The following JAKMIP1 variants were observed in gnomAD, a reference collection of about 807,000 sequenced individuals.
JAKMIP1 encodes janus kinase and microtubule-interacting protein 1.
In JAKMIP1, 33 loss-of-function variants were observed where a neutral mutation model predicts 113.0. The observed-to-expected ratio is 0.29, with a 90% CI of 0.22 to 0.39. The LOEUF (loss-of-function observed/expected upper bound fraction) is 0.39. JAKMIP1 is among the 10% of genes least tolerant of loss of function. The probability of loss-of-function intolerance (pLI) is 1.00; values close to 1 mark genes in which losing one functional copy is unlikely to be tolerated. For missense variants in JAKMIP1, 813 were observed against 1,080.5 expected (o/e 0.75, Z 3.47); for synonymous variants, 480 against 459.9 (o/e 1.04, Z -0.56).
At chr4:6,053,317 T>C (rs1396325674) in intron 13 of JAKMIP1, among the ~76,000 whole-genome samples, 1 of 152,256 alleles carries the variant, frequency 6.6e-6, no homozygotes, top group Non-Finnish European at 1.5e-5. Flanking sequence ...ACAGGATTTC[T>C]ACATGTGAAC....
chr4:6,038,259 C>G (rs561099796), intron 18 of JAKMIP1, among the ~76,000 whole-genome samples: 1 of 150,570 alleles, frequency 6.6e-6, no homozygotes, highest in South Asian at 2.1e-4. Context: ...AACCCAGTAG[C>G]CCTCCAACAC....
chr4:6,170,650 A>G (rs977674412), intron 1 of JAKMIP1, among the ~76,000 whole-genome samples: 2 of 149,666 alleles, frequency 1.3e-5, no homozygotes, highest in Non-Finnish European at 3.0e-5. Flanking sequence ...CTCTACCATT[A>G]CCACCACCAA....
Position 6,149,160 on chromosome 4 carries a change from CT to C in JAKMIP1, c.-147-36164del, listed in dbSNP as rs542540435. ...CAGCTGGGCAGGACTGAGCTGAATG[CT>C]TTGTCGGGTCTTTTTAAAATAAGTA... On this transcript the variant is annotated intron_variant, in intron 1 of 20. Transcript: ENST00000409021. 3.8e-3 allele frequency among the ~76,000 whole-genome samples: 582 copies of C among 152,326 alleles called. 6 individuals are homozygous for C. Among genetic ancestry groups the C allele is most frequent in the African/African-American group, 0.013 (544 of 41,574 alleles).
chr4:6,063,110 C>G (rs998378325), intron 9 of JAKMIP1, among the ~76,000 whole-genome samples: 15 of 151,958 alleles, frequency 9.9e-5, no homozygotes, highest in African/African-American at 3.6e-4. Flanking sequence ...CCACCGCACT[C>G]TAGCCTGGGC....
intron 1 of JAKMIP1, among the ~76,000 whole-genome samples, chr4:6,151,517 C>T (rs1006460740): frequency 5.9e-5 from 9 of 152,260 alleles, no homozygotes; most frequent in African/African-American, 1.7e-4. Context: ...CTCACCACCC[C>T]AGACCTGGCC....
At position 6,196,654 on chromosome 4, in the gene JAKMIP1, T is replaced by A. The variant is rs578107894; in HGVS notation, c.-148+3599A>T. Among the ~76,000 whole-genome samples, 28 of 151,760 alleles carry A rather than the reference T, an allele frequency of 1.8e-4. 1 individual carries two copies. Among genetic ancestry groups the A allele is most frequent in the East Asian group, 1.9e-4 (1 of 5,150 alleles). On this transcript the variant is annotated intron_variant, in intron 1 of 20. Transcript: ENST00000409021. ...AAATCACCTGAGGTGAGGTCAGGAG[T>A]TTGAGACCAGCCTGGTTAACATGGT...
At chr4:6,126,409 TACACCGTACAGAAACACACA>T (rs1717637421) in intron 1 of JAKMIP1, among the ~76,000 whole-genome samples, 1 of 18,132 alleles carries the variant, frequency 5.5e-5, no homozygotes, top group Non-Finnish European at 1.1e-4. Context: ...CACACAAACA[TACACCGTACAGAAACACACA>T]CACACAAACA....
At chr4:6,098,381 C>T (rs1016220325) in intron 3 of JAKMIP1, among the ~76,000 whole-genome samples, 12 of 151,314 alleles carry the variant, frequency 7.9e-5, no homozygotes, top group African/African-American at 2.2e-4. Context: ...TGCAGTAAGC[C>T]GAGATCACAG....
intron 1 of JAKMIP1, among the ~76,000 whole-genome samples, chr4:6,161,126 C>T (rs1578421882): frequency 6.7e-6 from 1 of 148,520 alleles, no homozygotes; most frequent in Non-Finnish European, 1.5e-5. Flanking sequence ...ACTCATCTCC[C>T]CTGATCTCCA....
In JAKMIP1 at chr4:6,125,804, AACAC is replaced by A. The variant is rs1179367167; in HGVS notation, c.-147-12811_-147-12808del. On this transcript the variant is annotated intron_variant, in intron 1 of 20. Coordinates refer to ENST00000409021, the MANE Select transcript of JAKMIP1 (RefSeq NM_001099433.2). ...CAGAAACACACACACACCATACAGA[AACAC>A]ACACACACACCATACACACCATGCA... 3.8e-3 allele frequency among the ~76,000 whole-genome samples: 431 copies of A among 114,576 alleles called. 15 individuals carry two copies. Among genetic ancestry groups the A allele is most frequent in the African/African-American group, 0.019 (407 of 21,530 alleles). 75.2% of individuals were successfully genotyped at this position (114,576 alleles called of 152,430 possible).
In JAKMIP1 at chr4:6,181,703, CCATTCATT is replaced by C. The variant is rs377333783; in HGVS notation, c.-148+18542_-148+18549del. 6.6e-6 allele frequency among the ~76,000 whole-genome samples: 1 copy of C among 152,098 alleles called. No homozygotes were observed. Among genetic ancestry groups the C allele is most frequent in the African/African-American group, 2.4e-5 (1 of 41,400 alleles). ...AGGGAGAGCAGCAGCAACGCAAGCT[CCATTCATT>C]CATTCATTCATTCAACAGCATCCTA... is the stretch of plus-strand genomic sequence containing the variant. On this transcript the variant is annotated intron_variant, in intron 1 of 20. Transcript: ENST00000409021. This position sits in a 1 kb window ranked among gnomAD's most constrained non-coding sequence, Gnocchi z 5.4.
At chr4:6,037,307 G>A (rs1713621411) in intron 18 of JAKMIP1, among the ~76,000 whole-genome samples, 1 of 121,392 alleles carries the variant, frequency 8.2e-6, no homozygotes, top group African/African-American at 5.1e-5. Flanking sequence ...CCAAGGCAGA[G>A]GCTAACCAGT....
intron 19 of JAKMIP1, among the ~76,000 whole-genome samples, chr4:6,032,453 A>AC (rs1201039888): frequency 3.9e-5 from 6 of 152,140 alleles, no homozygotes; most frequent in Non-Finnish European, 8.8e-5. Flanking sequence ...GTGACCTTGG[A>AC]CAAGTTGCTT....
chr4:6,163,947 G>T (rs184907401), intron 1 of JAKMIP1, among the ~76,000 whole-genome samples: 56 of 152,310 alleles, frequency 3.7e-4, no homozygotes, highest in Admixed American at 1.4e-3. Flanking sequence ...GCAGAGGTTG[G>T]CTCAGGAGGT....
rs1341214593 is a variant in JAKMIP1 at position 6,137,857 on chromosome 4, G to C, written c.-147-24860C>G. Among the ~76,000 whole-genome samples the C allele has an allele frequency of 2.0e-5, 3 of 152,344 alleles. No individual in the cohort carries two copies. The East Asian group carries it at 5.8e-4, about 29-fold the overall frequency. Reference sequence around the variant, plus strand: ...GGCCTGGCAGACAAGGTGTGCTCTGGCGTTGGGGGTCCAACCATGGCCTTC... The same window carrying C: ...GGCCTGGCAGACAAGGTGTGCTCTGCCGTTGGGGGTCCAACCATGGCCTTC... On this transcript the variant is annotated intron_variant, in intron 1 of 20. Coordinates refer to ENST00000409021, the MANE Select transcript of JAKMIP1 (RefSeq NM_001099433.2). This position sits in a 1 kb window ranked among gnomAD's most constrained non-coding sequence, Gnocchi z 4.5.
chr4:6,044,805 A>G lies in JAKMIP1; in HGVS notation c.2029-2578T>C, dbSNP rs73073416. Reference sequence around the variant, plus strand: ...AACATGAAAGCAGAGAGAGCTGGCCATGAGGACCCCCGACCACGTGAGATC... The same window carrying G: ...AACATGAAAGCAGAGAGAGCTGGCCGTGAGGACCCCCGACCACGTGAGATC... On this transcript the variant is annotated intron_variant, in intron 16 of 20. Coordinates refer to ENST00000409021, the MANE Select transcript of JAKMIP1 (RefSeq NM_001099433.2). This position sits in a 1 kb window ranked among gnomAD's most constrained non-coding sequence, Gnocchi z 4.4. Among the ~76,000 whole-genome samples, 812 of 152,338 alleles carry G rather than the reference A, an allele frequency of 5.3e-3. 7 individuals are homozygous for G. The highest frequency in any genetic ancestry group is 0.018 in the African/African-American group (749 of 41,574).
chr4:6,111,205 G>C (rs1714880403), intron 2 of JAKMIP1, among the ~76,000 whole-genome samples: 1 of 152,170 alleles, frequency 6.6e-6, no homozygotes, highest in Non-Finnish European at 1.5e-5. Flanking sequence ...CTGAGTCCCA[G>C]CTCAACAAGA....
chr4:6,085,413 C>T lies in JAKMIP1; in HGVS notation c.834+7G>A, dbSNP rs745746068. 1.2e-6 allele frequency: 2 copies of T among 1,611,372 alleles called. No homozygotes were observed. Among genetic ancestry groups the T allele is most frequent in the East Asian group, 4.5e-5 (2 of 44,872 alleles). On this transcript the variant is annotated splice_region_variant and intron_variant, in intron 4 of 20. Transcript: ENST00000409021. ...GCCTGAGGCTGGCACAAGCTGCTGCCCCTCACCTGGACGCCCATGAGCTCC... is the reference window on the plus strand; with the variant it reads ...GCCTGAGGCTGGCACAAGCTGCTGCTCCTCACCTGGACGCCCATGAGCTCC...
intron 8 of JAKMIP1, among the ~76,000 whole-genome samples, chr4:6,075,428 T>C (rs982290291): frequency 6.6e-6 from 1 of 152,182 alleles, no homozygotes; most frequent in East Asian, 1.9e-4. Flanking sequence ...AATCCAGCCC[T>C]GCACAATGCC....
Sources: allele counts gnomAD v4.1 joint callset (sites outside exome capture counted in the v4.1 genomes callset), GRCh38; gene constraint gnomAD v4.1.1; non-coding constraint Gnocchi (gnomAD v3.1); transcripts MANE v1.5; gene names NCBI Gene and HGNC (gene_info 2026-07-23, HGNC 2026-07-21).